MAST3: variants seen among roughly 807,000 people sequenced by gnomAD.
MAST3 encodes microtubule-associated serine/threonine-protein kinase 3.
MAST3 carries 43 observed loss-of-function variants against 127.0 expected under a neutral mutation model. The ratio of observed to expected loss-of-function variants is 0.34; its 90% CI spans 0.27 to 0.44. The LOEUF is 0.44. Ranked by LOEUF, MAST3 falls within the 20% of genes least tolerant of loss-of-function variation. The pLI is 1.00. For missense variants in MAST3, 1,390 were observed against 1,919.1 expected (o/e 0.72, Z 5.15); for synonymous variants, 785 against 809.2 (o/e 0.97, Z 0.51).
rs561175824 is a variant in MAST3 at position 18,124,635 on chromosome 19, C to G, written c.946-7C>G. 6.4e-6 allele frequency: 10 copies of G among 1,567,312 alleles called. No individual in the cohort carries two copies. Among genetic ancestry groups the G allele is most frequent in the Non-Finnish European group, 8.6e-6 (10 of 1,158,358 alleles). ...GCCCTGGGTGACCAGCCCTCCTGTG[C>G]CCCTAGGAGTTTGACCCTGAGGAAT... On this transcript the variant is annotated splice_polypyrimidine_tract_variant and splice_region_variant and intron_variant, in intron 10 of 27. Coordinates refer to ENST00000687212, the MANE Select transcript of MAST3 (RefSeq NM_001393504.1).
chr19:18,099,486 TG>T (rs1292469586), intron 1 of MAST3, among the ~76,000 whole-genome samples: 2 of 139,888 alleles, frequency 1.4e-5, no homozygotes, highest in Non-Finnish European at 3.1e-5. Flanking sequence ...CGTCAAGAAG[TG>T]GGGCCTGTTC....
At chr19:18,107,532 G>C (rs901507374) in intron 1 of MAST3, 55 bp from the exon 2 acceptor site, 2 of 1,581,168 alleles carry the variant, frequency 1.3e-6, no homozygotes, top group African/African-American at 1.3e-5. Context: ...TCAACGGCCA[G>C]GGGTTCTGAG....
At chr19:18,107,953 T>C (rs542993679) in intron 2 of MAST3, among the ~76,000 whole-genome samples, 16 of 152,240 alleles carry the variant, frequency 1.1e-4, no homozygotes, top group African/African-American at 3.9e-4. Flanking sequence ...CTTGAATGCC[T>C]CTCATGACGG....
rs751154441 is a variant in MAST3 at position 18,123,587 on chromosome 19, C to T, written c.565C>T (p.Arg189Cys). The T allele has an allele frequency of 1.8e-5, 29 of 1,581,126 alleles. No homozygotes were observed. Among genetic ancestry groups the T allele is most frequent in the Non-Finnish European group, 2.3e-5 (27 of 1,163,886 alleles). The change falls in exon 8 of 28, where the codon CGT becomes TGT. Residue 189 changes from arginine (R) to cysteine (C), a missense_variant. Arg to Cys is a radical substitution (Grantham distance 180). This residue lies in a region of MAST3 where 277 missense variants were observed against 384.8 expected (regional missense o/e 0.72). Coordinates refer to ENST00000687212, the MANE Select transcript of MAST3 (RefSeq NM_001393504.1). ...CAGCTGTCTTCCTTTCAGCCCGGGC[C>T]GTGCAACGGGGACCTTCGACAATGA... The part of the protein sequence containing the change: ...RPRSRSLSPG[R>C]ATGTFDNEIV...
intron 3 of MAST3, among the ~76,000 whole-genome samples, chr19:18,121,390 C>T (rs1322198954): frequency 2.6e-5 from 4 of 152,200 alleles, no homozygotes; most frequent in African/African-American, 9.6e-5. Context: ...CTCCTGGCTT[C>T]AGAGGATCCT....
intron 11 of MAST3, 138 bp from the exon 12 acceptor site, chr19:18,128,262 G>A: frequency 1.6e-6 from 1 of 630,922 alleles, no homozygotes; most frequent in Non-Finnish European, 2.7e-6. Context: ...GTGGCTTCAT[G>A]ACAGTGTCAT....
rs980219851 is a variant in MAST3, at chr19:18,149,788, G to A, written c.*62G>A. 19 of 1,593,714 alleles carry A rather than the reference G, an allele frequency of 1.2e-5. No individual in the cohort carries two copies. The highest frequency in any genetic ancestry group is 2.2e-5 in the South Asian group (2 of 89,866). On this transcript the variant is annotated 3_prime_UTR_variant, in exon 28 of 28. Coordinates refer to ENST00000687212, the MANE Select transcript of MAST3 (RefSeq NM_001393504.1). The surrounding 1 kb of genome is among the most constrained non-coding windows in gnomAD (Gnocchi z 5.9). ...CGTTTTCTTGTGCAATGTTTTTTCC[G>A]TAAAGTCATGCCTGGATGGGGACTG...
rs760569383 is a variant in MAST3 at position 18,134,903 on chromosome 19, C to T, written c.1791C>T (p.Val597=). 5.6e-6 allele frequency: 9 copies of T among 1,614,014 alleles called. No homozygotes were observed. Among genetic ancestry groups the T allele is most frequent in the African/African-American group, 4.0e-5 (3 of 75,034 alleles). Residue 597 remains valine, a synonymous_variant, in exon 17 of 28, where the codon GTC becomes GTT. Coordinates refer to ENST00000687212, the MANE Select transcript of MAST3 (RefSeq NM_001393504.1). ...CAGTGGACTGGTGGGCCATGGGCGTCGTCCTCTATGAGTTTCTGGTGGGCT... is the reference window on the plus strand; with the variant it reads ...CAGTGGACTGGTGGGCCATGGGCGTTGTCCTCTATGAGTTTCTGGTGGGCT... The part of the protein sequence containing the change: ...GKPVDWWAMG[V]VLYEFLVGCV...
At chr19:18,134,768 T>G in intron 16 of MAST3, 49 bp from the exon 17 acceptor site, 5 of 1,613,458 alleles carry the variant, frequency 3.1e-6, no homozygotes, top group Non-Finnish European at 4.2e-6. Context: ...TCCTGGGACC[T>G]CTCTTGGGCT....
chr19:18,139,055 C>A lies in MAST3; in HGVS notation c.2136C>A (p.Asp712Glu), dbSNP rs369340521. 10 of 1,602,610 alleles carry A rather than the reference C, an allele frequency of 6.2e-6. No individual in the cohort carries two copies. The highest frequency in any genetic ancestry group is 8.5e-6 in the Non-Finnish European group (10 of 1,174,742). ...ERYRHLGSEDDETNDEESSTE... is the reference protein window; with the variant it reads ...ERYRHLGSEDEETNDEESSTE... Reference sequence around the variant, plus strand: ...ACCGCCATCTGGGCTCCGAGGACGACGAGACCAATGATGAAGAATCGTCCA... The same window carrying A: ...ACCGCCATCTGGGCTCCGAGGACGAAGAGACCAATGATGAAGAATCGTCCA... The change falls in exon 20 of 28, where the codon GAC (aspartate) becomes GAA (glutamate). Residue 712 changes from aspartate (D) to glutamate (E), a missense_variant. Physicochemically the swap from Asp to Glu is conservative, Grantham distance 45. Around this residue, in one of 5 missense-constraint regions of MAST3, gnomAD observed 816 missense variants for 934.1 expected, o/e 0.87. Coordinates refer to ENST00000687212, the MANE Select transcript of MAST3 (RefSeq NM_001393504.1).
Position 18,123,920 on chromosome 19 carries a change from C to A in MAST3, c.634-19C>A. 6.5e-7 allele frequency: 1 copy of A among 1,543,370 alleles called. No individual in the cohort carries two copies. ...CAGCCCCGCCCTCTGACCAGGTCGCCCCGTCTCGCCCCACCCAGGCCACAG... is the reference window on the plus strand; with the variant it reads ...CAGCCCCGCCCTCTGACCAGGTCGCACCGTCTCGCCCCACCCAGGCCACAG... On this transcript the variant is annotated intron_variant, in intron 8 of 27. Coordinates refer to ENST00000687212, the MANE Select transcript of MAST3 (RefSeq NM_001393504.1).
chr19:18,144,818 A>T lies in MAST3; in HGVS notation c.2812+125A>T, dbSNP rs992654076. On this transcript the variant is annotated intron_variant, in intron 23 of 27. Transcript: ENST00000687212. This position sits in a 1 kb window ranked among gnomAD's most constrained non-coding sequence, Gnocchi z 4.0. ...GAAGAGGGGAGGAGGAGTAGGACAC[A>T]TGGAGAGCTGGGGAGATGGTGTTCC... 8.2e-6 allele frequency: 9 copies of T among 1,094,708 alleles called. No individual in the cohort carries two copies. The Admixed American group carries it at 9.7e-5, about 12-fold the overall frequency. 67.8% of individuals were successfully genotyped at this position (1,094,708 alleles called of 1,614,324 possible).
rs769306614 is a variant in MAST3, at chr19:18,121,834, C to T, written c.251-19C>T. On this transcript the variant is annotated intron_variant, in intron 4 of 27. Coordinates refer to ENST00000687212, the MANE Select transcript of MAST3 (RefSeq NM_001393504.1). ...GCCTCTGCCCCGCTGACTCAGTTTCCCCGCCTCCTCCTCAGCAGGCAGCAG... is the reference window on the plus strand; with the variant it reads ...GCCTCTGCCCCGCTGACTCAGTTTCTCCGCCTCCTCCTCAGCAGGCAGCAG... 1.9e-6 allele frequency: 3 copies of T among 1,613,982 alleles called. No individual in the cohort carries two copies. Among genetic ancestry groups the T allele is most frequent in the South Asian group, 1.1e-5 (1 of 91,084 alleles).
At chr19:18,105,709 TG>T (rs2038017666) in intron 1 of MAST3, among the ~76,000 whole-genome samples, 1 of 151,984 alleles carries the variant, frequency 6.6e-6, no homozygotes, top group African/African-American at 2.4e-5. Context: ...AAAACCCTCT[TG>T]GGCAGCCCAT....
chr19:18,105,782 C>T (rs1377655998), intron 1 of MAST3, among the ~76,000 whole-genome samples: 1 of 152,154 alleles, frequency 6.6e-6, no homozygotes, highest in Non-Finnish European at 1.5e-5. Flanking sequence ...ATCCTTCATG[C>T]GGTGAGGGCA....
At chr19:18,113,060 G>A (rs764266784) in intron 3 of MAST3, among the ~76,000 whole-genome samples, 16 of 152,154 alleles carry the variant, frequency 1.1e-4, no homozygotes, top group African/African-American at 3.4e-4. Context: ...GGAGGGACCC[G>A]TGTGTTGGAG....
intron 1 of MAST3, among the ~76,000 whole-genome samples, chr19:18,105,917 G>A (rs772390641): frequency 6.6e-6 from 1 of 152,102 alleles, no homozygotes; most frequent in Non-Finnish European, 1.5e-5. Context: ...GCTTTGCAGC[G>A]AGTGAGGAGA....
intron 2 of MAST3, among the ~76,000 whole-genome samples, chr19:18,108,854 C>G (rs1006198392): frequency 1.3e-5 from 2 of 152,148 alleles, no homozygotes; most frequent in African/African-American, 4.8e-5. Context: ...GGGTGGGAAT[C>G]ACTCAATGAA....
At chr19:18,148,848 A>C (rs1424444660) in intron 27 of MAST3, among the ~76,000 whole-genome samples, 1 of 151,932 alleles carries the variant, frequency 6.6e-6, no homozygotes, top group Admixed American at 6.6e-5. Flanking sequence ...GGTTGCAGTG[A>C]GCCAAGATCA....
Sources: gnomAD v4.1 joint callset for allele counts (sites outside exome capture counted in the v4.1 genomes callset) on GRCh38, gnomAD v4.1.1 for gene constraint, gnomAD v4.1.1 regional missense constraint, Gnocchi (gnomAD v3.1) non-coding constraint, MANE v1.5 for transcripts, NCBI Gene and HGNC (gene_info 2026-07-23, HGNC 2026-07-21) for gene names.